Variants in BRINP3 observed in about 807,000 individuals in gnomAD.
BRINP3 encodes BMP/retinoic acid-inducible neural-specific protein 3.
A neutral mutation model predicts 71.0 loss-of-function variants in BRINP3; 19 were observed. The ratio of observed to expected loss-of-function variants is 0.27; its 90% CI spans 0.19 to 0.39. The LOEUF (loss-of-function observed/expected upper bound fraction) is 0.39. BRINP3 is among the 10% of genes least tolerant of loss of function. BRINP3 has a pLI of 1.00. For missense variants in BRINP3, 959 were observed against 940.8 expected (o/e 1.02, Z -0.25); for synonymous variants, 380 against 337.7 (o/e 1.13, Z -1.37).
chr1:190,444,462 G>A, intron 2 of BRINP3, among the ~76,000 whole-genome samples: 1 of 151,406 alleles, frequency 6.6e-6, no homozygotes, highest in East Asian at 1.9e-4. Context: ...AAATAAAATG[G>A]CTTACTAATA....
intron 2 of BRINP3, among the ~76,000 whole-genome samples, chr1:190,357,118 C>A (rs1230168890): frequency 6.6e-6 from 1 of 151,914 alleles, no homozygotes; most frequent in Non-Finnish European, 1.5e-5. Context: ...ACTTTCATGA[C>A]CAAACTTCTA....
rs182371103 is a variant in BRINP3 at position 190,212,946 on chromosome 1, A to G, written c.961+13136T>C. Among the ~76,000 whole-genome samples the G allele has an allele frequency of 1.6e-4, 25 of 152,184 alleles. No individual in the cohort carries two copies. The East Asian group carries it at 4.9e-3, about 30-fold the overall frequency. On this transcript the variant is annotated intron_variant, in intron 6 of 7. Coordinates refer to ENST00000367462, the MANE Select transcript of BRINP3 (RefSeq NM_199051.3). ...TTATTGCAAATTGATTTTAACTTATATAGAAATTGGACCCAGGAAAGGAGG... is the reference window on the plus strand; with the variant it reads ...TTATTGCAAATTGATTTTAACTTATGTAGAAATTGGACCCAGGAAAGGAGG...
chr1:190,426,356 C>T (rs1017667871), intron 2 of BRINP3, among the ~76,000 whole-genome samples: 2 of 151,752 alleles, frequency 1.3e-5, no homozygotes, highest in Non-Finnish European at 2.9e-5. Flanking sequence ...GCATGTACTA[C>T]GCCCAGAAGA....
At chr1:190,446,650 T>C (rs1321231726) in intron 2 of BRINP3, among the ~76,000 whole-genome samples, 2 of 152,236 alleles carry the variant, frequency 1.3e-5, no homozygotes, top group East Asian at 3.9e-4. Context: ...GTTTCCATTT[T>C]GCTTTTGATA....
intron 6 of BRINP3, among the ~76,000 whole-genome samples, chr1:190,202,523 G>A (rs114581807): frequency 0.015 from 2,287 of 152,166 alleles, 24 homozygotes; most frequent in Non-Finnish European, 0.023. Context: ...ACACGATTTG[G>A]GAGGGGCAAG....
intron 7 of BRINP3, among the ~76,000 whole-genome samples, chr1:190,129,894 T>A (rs895666426): frequency 6.6e-6 from 1 of 152,020 alleles, no homozygotes; most frequent in Non-Finnish European, 1.5e-5. Context: ...TGAACACGAA[T>A]CCATTCTTTA....
intron 7 of BRINP3, among the ~76,000 whole-genome samples, chr1:190,116,027 T>C (rs1423186254): frequency 6.6e-6 from 1 of 152,110 alleles, no homozygotes; most frequent in African/African-American, 2.4e-5. Flanking sequence ...TTATTCCATA[T>C]CACTTACGAT....
intron 6 of BRINP3, among the ~76,000 whole-genome samples, chr1:190,206,336 T>C (rs1431205811): frequency 2.0e-5 from 3 of 151,888 alleles, no homozygotes; most frequent in African/African-American, 7.2e-5. Context: ...AATAAATAAA[T>C]AAATAAATGT....
intron 2 of BRINP3, among the ~76,000 whole-genome samples, chr1:190,329,350 A>G (rs1433127672): frequency 6.6e-6 from 1 of 152,042 alleles, no homozygotes; most frequent in Non-Finnish European, 1.5e-5. Context: ...TATAAAATCA[A>G]CATACAAAAA....
chr1:190,245,400 G>A (rs989736771), intron 4 of BRINP3, among the ~76,000 whole-genome samples: 4 of 151,650 alleles, frequency 2.6e-5, no homozygotes, highest in African/African-American at 9.7e-5. Context: ...CATATAGTGT[G>A]CATGAATTAC....
intron 1 of BRINP3, among the ~76,000 whole-genome samples, chr1:190,474,987 T>C (rs914853704): frequency 2.0e-5 from 3 of 151,508 alleles, no homozygotes; most frequent in African/African-American, 4.9e-5. Flanking sequence ...GGGTATAATA[T>C]AAGCTAGACA....
chr1:190,310,400 C>T (rs1465833611), intron 2 of BRINP3, among the ~76,000 whole-genome samples: 1 of 151,554 alleles, frequency 6.6e-6, no homozygotes, highest in Non-Finnish European at 1.5e-5. Flanking sequence ...TCAAATACAA[C>T]AAAGTTAAAC....
At chr1:190,163,606 T>C (rs548329058) in intron 6 of BRINP3, among the ~76,000 whole-genome samples, 2 of 141,882 alleles carry the variant, frequency 1.4e-5, no homozygotes, top group African/African-American at 5.5e-5. Context: ...ATGAAGCAAA[T>C]AATAATACGT....
chr1:190,442,001 C>G (rs1279305702), intron 2 of BRINP3, among the ~76,000 whole-genome samples: 1 of 152,026 alleles, frequency 6.6e-6, no homozygotes, highest in Non-Finnish European at 1.5e-5. Context: ...TGAGTAGATA[C>G]ATTTTAATGT....
intron 1 of BRINP3, among the ~76,000 whole-genome samples, chr1:190,469,874 T>C (rs1677014469): frequency 6.6e-6 from 1 of 151,140 alleles, no homozygotes; most frequent in Admixed American, 6.6e-5. Flanking sequence ...CTTTTTAATA[T>C]GATATTTGAA....
chr1:190,160,959 G>A, intron 6 of BRINP3, 69 bp from the exon 7 acceptor site: 1 of 1,098,756 alleles, frequency 9.1e-7, no homozygotes, highest in Non-Finnish European at 1.3e-6. Context: ...AAACACGTAT[G>A]TCAATATTAA....
chr1:190,149,591 CGT>C (rs1656203975), intron 7 of BRINP3, among the ~76,000 whole-genome samples: 1 of 150,046 alleles, frequency 6.7e-6, no homozygotes, highest in Non-Finnish European at 1.5e-5. Context: ...TCAGTGCGTG[CGT>C]GTTAGTGTGC....
At chr1:190,381,133 C>T (rs1670522485) in intron 2 of BRINP3, among the ~76,000 whole-genome samples, 1 of 152,032 alleles carries the variant, frequency 6.6e-6, no homozygotes, top group Admixed American at 6.6e-5. Context: ...TATCATGTTG[C>T]CTGACTATTC....
rs143300903 is a variant in BRINP3, at chr1:190,274,366, G to GA, written c.427+7193dup. On this transcript the variant is annotated intron_variant, in intron 3 of 7. Transcript: ENST00000367462. ...TCCTATAATGTTTACATTCCGCCCAGAAAAAAAATTATGTGCATTTATGGC... is the reference window on the plus strand; with the variant it reads ...TCCTATAATGTTTACATTCCGCCCAGAAAAAAAAATTATGTGCATTTATGGC... Among the ~76,000 whole-genome samples the GA allele has an allele frequency of 7.7e-4, 116 of 150,940 alleles. 2 individuals are homozygous for GA. The highest frequency in any genetic ancestry group is 1.7e-3 in the Admixed American group (25 of 15,068).
Sources: allele counts gnomAD v4.1 joint callset (sites outside exome capture counted in the v4.1 genomes callset), GRCh38; gene constraint gnomAD v4.1.1; transcripts MANE v1.5; gene names NCBI Gene and HGNC (gene_info 2026-07-23, HGNC 2026-07-21).